LPP: variants seen among roughly 807,000 people sequenced by gnomAD.
The protein encoded by LPP is lipoma-preferred partner.
Under a neutral mutation model 60.4 loss-of-function variants are expected in LPP, and 38 were observed. That is an observed-to-expected ratio of 0.63 (90% CI 0.49 to 0.83). The LOEUF (loss-of-function observed/expected upper bound fraction) is 0.83, where lower values mean the gene tolerates loss of function less well. Ranked by LOEUF, LPP falls within the 40% of genes least tolerant of loss-of-function variation. The pLI is 0.00. For synonymous variants in LPP, 328 were observed against 290.8 expected (o/e 1.13, Z -1.30); for missense variants, 902 against 783.6 (o/e 1.15, Z -1.80).
chr3:188,395,678 C>G (rs1012447926), intron 3 of LPP, among the ~76,000 whole-genome samples: 1 of 152,038 alleles, frequency 6.6e-6, no homozygotes, highest in Non-Finnish European at 1.5e-5. Flanking sequence ...TTAATCTCAG[C>G]AGTTTGGGAG....
At chr3:188,463,935 C>T (rs990355793) in intron 4 of LPP, among the ~76,000 whole-genome samples, 4 of 152,320 alleles carry the variant, frequency 2.6e-5, no homozygotes, top group Non-Finnish European at 1.5e-5. Flanking sequence ...TGCTTTTTAC[C>T]TTGCATTATA....
At chr3:188,185,758 T>C (rs1224125591) in intron 1 of LPP, among the ~76,000 whole-genome samples, 1 of 152,206 alleles carries the variant, frequency 6.6e-6, no homozygotes, top group Non-Finnish European at 1.5e-5. Flanking sequence ...TTCCCTTCTG[T>C]CGTTCTCTCA....
In LPP at chr3:188,880,562, A is replaced by T. The variant is rs2152079605; in HGVS notation, c.*6083A>T. On this transcript the variant is annotated 3_prime_UTR_variant, in exon 12 of 12. Coordinates refer to ENST00000617246, the MANE Select transcript of LPP (RefSeq NM_001375462.1). ...AATTCCTTTATAATACTTTCAGATGATTGCATTAAGCCTTTCATGTTATGT... is the reference window on the plus strand; with the variant it reads ...AATTCCTTTATAATACTTTCAGATGTTTGCATTAAGCCTTTCATGTTATGT... 1 of 188,872 alleles carries T rather than the reference A, an allele frequency of 5.3e-6. No homozygotes were observed. The highest frequency in any genetic ancestry group is 2.3e-5 in the African/African-American group (1 of 42,966). 11.7% of individuals were successfully genotyped at this position (188,872 alleles called of 1,614,324 possible).
chr3:188,594,895 C>G (rs1300367925), intron 6 of LPP, among the ~76,000 whole-genome samples: 1 of 152,098 alleles, frequency 6.6e-6, no homozygotes, highest in Non-Finnish European at 1.5e-5. Flanking sequence ...TTCTTATTCA[C>G]ATATAGGACT....
intron 9 of LPP, among the ~76,000 whole-genome samples, chr3:188,840,757 T>A (rs2151728573): frequency 6.6e-6 from 1 of 152,322 alleles, no homozygotes. Flanking sequence ...ATCCTCATCT[T>A]ACACATGAGG....
intron 9 of LPP, among the ~76,000 whole-genome samples, chr3:188,822,501 A>G (rs1054255818): frequency 2.6e-5 from 4 of 152,188 alleles, no homozygotes; most frequent in Non-Finnish European, 5.9e-5. Context: ...GAAACAAGAC[A>G]TCTATCTCTG....
intron 7 of LPP, among the ~76,000 whole-genome samples, chr3:188,645,267 A>G (rs1001919017): frequency 6.7e-6 from 1 of 150,122 alleles, no homozygotes; most frequent in African/African-American, 2.5e-5. Context: ...TTTTTCCTTA[A>G]TGGAAGGAAA....
chr3:188,554,255 G>GA (rs1365518199), intron 6 of LPP, among the ~76,000 whole-genome samples: 2 of 151,978 alleles, frequency 1.3e-5, no homozygotes, highest in African/African-American at 4.8e-5. Flanking sequence ...GCATGGAGAG[G>GA]AAAAACCTTC....
chr3:188,769,289 T>G (rs1288041567), intron 9 of LPP, among the ~76,000 whole-genome samples: 1 of 152,160 alleles, frequency 6.6e-6, no homozygotes, highest in Admixed American at 6.5e-5. Context: ...CAACAATGTT[T>G]TCAGTGGGGG....
intron 2 of LPP, among the ~76,000 whole-genome samples, chr3:188,267,966 C>T (rs1399325753): frequency 1.3e-5 from 2 of 151,428 alleles, no homozygotes; most frequent in African/African-American, 2.4e-5. Flanking sequence ...ATAGCCTCTG[C>T]CTTAGGAACA....
chr3:188,186,330 A>G (rs1362298618), intron 1 of LPP, among the ~76,000 whole-genome samples: 1 of 152,224 alleles, frequency 6.6e-6, no homozygotes, highest in East Asian at 1.9e-4. Flanking sequence ...AGAGACTTGA[A>G]GGGCACAGAG....
chr3:188,608,964 G>A lies in LPP; in HGVS notation c.430-197G>A, dbSNP rs964708501. Among the ~76,000 whole-genome samples, 15 of 151,722 alleles carry A rather than the reference G, an allele frequency of 9.9e-5. No homozygotes were observed. The East Asian group carries it at 1.2e-3, about 12-fold the overall frequency. ...TTTCTTTCCTTTTCTGCTATTCGTC[G>A]GCAGTGCACAGATATACAACTGATT... is the stretch of plus-strand genomic sequence containing the variant. On this transcript the variant is annotated intron_variant, in intron 6 of 11. Transcript: ENST00000617246.
At chr3:188,525,015 G>A (rs576474640) in intron 6 of LPP, among the ~76,000 whole-genome samples, 9 of 138,716 alleles carry the variant, frequency 6.5e-5, no homozygotes, top group Admixed American at 7.8e-5. Flanking sequence ...TGCCCAGGCC[G>A]GAGTGCAATG....
At chr3:188,656,406 G>A (rs1005650628) in intron 7 of LPP, among the ~76,000 whole-genome samples, 2 of 152,120 alleles carry the variant, frequency 1.3e-5, no homozygotes, top group Admixed American at 6.5e-5. Context: ...CTTCAAAGCC[G>A]TGAAGCAATC....
At chr3:188,292,126 C>G (rs1423850543) in intron 2 of LPP, among the ~76,000 whole-genome samples, 1 of 152,148 alleles carries the variant, frequency 6.6e-6, no homozygotes, top group Non-Finnish European at 1.5e-5. Flanking sequence ...AATCAAATGT[C>G]AAAGCATTTC....
At chr3:188,491,531 CTTGT>C (rs148487589) in intron 5 of LPP, among the ~76,000 whole-genome samples, 27 of 152,290 alleles carry the variant, frequency 1.8e-4, no homozygotes, top group Non-Finnish European at 3.5e-4. Flanking sequence ...TGATTTGTAG[CTTGT>C]TTGTGACCCT....
At chr3:188,448,326 G>A (rs1018583016) in intron 4 of LPP, among the ~76,000 whole-genome samples, 1 of 72,382 alleles carries the variant, frequency 1.4e-5, no homozygotes, top group Non-Finnish European at 3.1e-5. Flanking sequence ...TTTTAGGAAG[G>A]TTACCTGAGA....
At position 188,609,117 on chromosome 3, in the gene LPP, T is replaced by C. The variant is rs375609002; in HGVS notation, c.430-44T>C. Reference sequence around the variant, plus strand: ...CATTTTTATTGAGTTTCGTTGGCAGTAATTTTTGCTTTCTTTCTTTCTTTT... The same window carrying C: ...CATTTTTATTGAGTTTCGTTGGCAGCAATTTTTGCTTTCTTTCTTTCTTTT... On this transcript the variant is annotated intron_variant, in intron 6 of 11. Coordinates refer to ENST00000617246, the MANE Select transcript of LPP (RefSeq NM_001375462.1). This position sits in a 1 kb window ranked among gnomAD's most constrained non-coding sequence, Gnocchi z 6.9. 105 of 1,398,456 alleles carry C rather than the reference T, an allele frequency of 7.5e-5. No homozygotes were observed. The Middle Eastern group carries it at 1.3e-3, about 17-fold the overall frequency. The allele number at this position is 1,398,456 out of a possible 1,614,324, so 86.6% of individuals were successfully genotyped here. A position where few individuals can be genotyped will look rare whatever the true frequency, so the allele number is the denominator to read the frequency against.
chr3:188,436,764 T>C (rs1792415343), intron 4 of LPP, among the ~76,000 whole-genome samples: 1 of 152,124 alleles, frequency 6.6e-6, no homozygotes, highest in Admixed American at 6.6e-5. Context: ...AATATATATT[T>C]TAAGGCCTAC....
Sources: gnomAD v4.1 joint callset for allele counts (sites outside exome capture counted in the v4.1 genomes callset) on GRCh38, gnomAD v4.1.1 for gene constraint, Gnocchi (gnomAD v3.1) non-coding constraint, MANE v1.5 for transcripts, NCBI Gene and HGNC (gene_info 2026-07-23, HGNC 2026-07-21) for gene names.